The following CYP4F8 variants were observed in gnomAD, a reference collection of about 807,000 sequenced individuals.
The protein encoded by CYP4F8 is cytochrome P450 4F8.
A neutral mutation model predicts 55.0 loss-of-function variants in CYP4F8; 56 were observed. The observed-to-expected ratio is 1.02, with a 90% CI of 0.82 to 1.27. CYP4F8 has a LOEUF of 1.27. Ranked by LOEUF, CYP4F8 falls within the 50% of genes most tolerant of loss-of-function variation. The pLI is 0.00. For missense variants in CYP4F8, 680 were observed against 682.4 expected (o/e 1.00, Z 0.04); for synonymous variants, 288 against 267.3 (o/e 1.08, Z -0.76).
chr19:15,617,042 T>C (rs1720830579), intron 2 of CYP4F8, among the ~76,000 whole-genome samples: 1 of 152,154 alleles, frequency 6.6e-6, no homozygotes, highest in African/African-American at 2.4e-5. Flanking sequence ...TGTACAGACC[T>C]TCTCCATGGG....
chr19:15,629,405 A>C lies in CYP4F8; in HGVS notation c.*47A>C. ...CTACCTTTGCATCACCTACCTTTGC[A>C]CCAACTACCTTTTCAGATTTCCGGT... On this transcript the variant is annotated 3_prime_UTR_variant, in exon 13 of 13. Coordinates refer to ENST00000612078, the MANE Select transcript of CYP4F8 (RefSeq NM_007253.4). The C allele has an allele frequency of 2.6e-6, 4 of 1,531,470 alleles. No homozygotes were observed. Among genetic ancestry groups the C allele is most frequent in the Non-Finnish European group, 3.5e-6 (4 of 1,139,054 alleles). 94.9% of individuals were successfully genotyped at this position (1,531,470 alleles called of 1,614,324 possible).
Position 15,615,780 on chromosome 19 carries a change from G to T in CYP4F8, c.164G>T (p.Arg55Leu), listed in dbSNP as rs377226039. The change falls in exon 2 of 13, where the codon CGG becomes CTG. Residue 55 changes from arginine to leucine, a missense_variant. Transcript: ENST00000612078. ...CGCCTCCGGTGTTTCCCGCAGCCCCGGAAACAGAACTGGTTCTTGGGTCAC... is the reference window on the plus strand; with the variant it reads ...CGCCTCCGGTGTTTCCCGCAGCCCCTGAAACAGAACTGGTTCTTGGGTCAC... ...GRRLRCFPQP[R>L]KQNWFLGHLG... The T allele has an allele frequency of 6.2e-7, 1 of 1,613,656 alleles. No homozygotes were observed. Among genetic ancestry groups the T allele is most frequent in the African/African-American group, 1.3e-5 (1 of 75,016 alleles).
Position 15,623,357 on chromosome 19 carries a change from T to C in CYP4F8, c.900T>C (p.Asp300=). The change falls in exon 7 of 13, where the codon GAT becomes GAC. Residue 300 remains aspartate (D), a synonymous_variant. Transcript: ENST00000612078. ...AGTCCAAGACTTTGGACTTTATTGA[T>C]GTGCTCCTGCTGAGCGAGGTGGGCC... The part of the protein sequence containing the change: ...KAKSKTLDFI[D]VLLLSEDKNG... 6.2e-7 allele frequency: 1 copy of C among 1,613,964 alleles called. No homozygotes were observed. The highest frequency in any genetic ancestry group is 8.5e-7 in the Non-Finnish European group (1 of 1,179,908).
intron 12 of CYP4F8, 145 bp downstream of exon 12, chr19:15,628,988 C>T (rs1466700051): frequency 1.6e-6 from 2 of 1,238,870 alleles, no homozygotes; most frequent in Non-Finnish European, 2.2e-6. Flanking sequence ...CTCAGAGCCT[C>T]CTGCCCCGTC....
At chr19:15,625,919 A>T (rs1457134348) in intron 9 of CYP4F8, among the ~76,000 whole-genome samples, 1 of 152,158 alleles carries the variant, frequency 6.6e-6, no homozygotes, top group Non-Finnish European at 1.5e-5. Context: ...GATACATTTT[A>T]AAATTCTATA....
chr19:15,624,778 G>A (rs1271228345), intron 9 of CYP4F8, among the ~76,000 whole-genome samples: 1 of 152,120 alleles, frequency 6.6e-6, no homozygotes. Flanking sequence ...TTATTTTAAT[G>A]AACATAACTT....
intron 12 of CYP4F8, 23 bp from the exon 13 acceptor site, chr19:15,629,170 A>G (rs1397569681): frequency 1.9e-6 from 3 of 1,579,848 alleles, no homozygotes; most frequent in Middle Eastern, 2.1e-4. Context: ...GGGTGCAGTC[A>G]GACCTTCCAC....
intron 9 of CYP4F8, chr19:15,627,509 A>G (rs1972277846): frequency 6.6e-6 from 1 of 152,078 alleles, no homozygotes; most frequent in Admixed American, 6.5e-5. Flanking sequence ...CCCTTGATGA[A>G]CTTTAAAATT....
At chr19:15,618,200 A>G (rs759007874) in intron 3 of CYP4F8, 56 bp downstream of exon 3, 2 of 1,612,412 alleles carry the variant, frequency 1.2e-6, no homozygotes, top group Admixed American at 1.7e-5. Flanking sequence ...GGGCTTCTAG[A>G]TCTCATCCCC....
rs549472609 is a variant in CYP4F8, at chr19:15,619,652, A to G, written c.415A>G (p.Ser139Gly). 6.2e-7 allele frequency: 1 copy of G among 1,614,202 alleles called. No homozygotes were observed. The highest frequency in any genetic ancestry group is 2.2e-5 in the East Asian group (1 of 44,874). ...KPWLGDGLLLSVGDKWRHHRR... is the reference protein window; with the variant it reads ...KPWLGDGLLLGVGDKWRHHRR... ...CGTACTAGGGGATGGGCTCTTGTTA[A>G]GTGTTGGTGACAAGTGGAGACACCA... Residue 139 changes from serine to glycine, a missense_variant, in exon 5 of 13, where the codon AGT becomes GGT. Transcript: ENST00000612078.
intron 2 of CYP4F8, among the ~76,000 whole-genome samples, chr19:15,617,755 T>C (rs939916914): frequency 3.9e-5 from 6 of 152,182 alleles, no homozygotes; most frequent in African/African-American, 1.4e-4. Context: ...ATGTCTCAGC[T>C]GCAGAGGAGA....
Position 15,623,306 on chromosome 19 carries a change from T to C in CYP4F8, c.849T>C (p.Val283=). 3 of 1,613,940 alleles carry C rather than the reference T, an allele frequency of 1.9e-6. No homozygotes were observed. Among genetic ancestry groups the C allele is most frequent in the Non-Finnish European group, 2.5e-6 (3 of 1,179,982 alleles). ...GCCGCACCCTCACTAGCCAGGGTGTTGATGACTTCCTCCAAGCCAAGGCCA... is the reference window on the plus strand; with the variant it reads ...GCCGCACCCTCACTAGCCAGGGTGTCGATGACTTCCTCCAAGCCAAGGCCA... ...ERRRTLTSQG[V]DDFLQAKAKS... is the part of the protein sequence containing the mutation. The change falls in exon 7 of 13, where the codon GTT becomes GTC. Residue 283 remains valine (V), a synonymous_variant. Transcript: ENST00000612078.
chr19:15,620,865 AAG>A (rs1972184705), intron 5 of CYP4F8, among the ~76,000 whole-genome samples: 1 of 152,242 alleles, frequency 6.6e-6, no homozygotes, highest in South Asian at 2.1e-4. Context: ...AAATGGAGCC[AAG>A]CGTTTTGTGA....
intron 9 of CYP4F8, 74 bp from the exon 10 acceptor site, chr19:15,628,228 G>T: frequency 1.9e-6 from 3 of 1,599,148 alleles, no homozygotes; most frequent in Non-Finnish European, 2.6e-6. Context: ...GTCAGAGGGA[G>T]GTGGTGAGAG....
At chr19:15,628,620 TCC>T (rs1568385605) in intron 11 of CYP4F8, 25 bp downstream of exon 11, 1 of 1,611,274 alleles carries the variant, frequency 6.2e-7, no homozygotes, top group Non-Finnish European at 8.5e-7. Flanking sequence ...TGTTTCTCCA[TCC>T]CCCGGGCCTG....
At chr19:15,618,205 A>G in intron 3 of CYP4F8, 61 bp downstream of exon 3, 1 of 1,607,008 alleles carries the variant, frequency 6.2e-7, no homozygotes, top group Non-Finnish European at 8.5e-7. Flanking sequence ...TCTAGATCTC[A>G]TCCCCAAAGC....
rs755526175 is a variant in CYP4F8, at chr19:15,623,249, C to T, written c.792C>T (p.His264=). ...RRFHRACRLV[H]DFTDAVIQER... The stretch of plus-strand genomic sequence containing the variant: ...TCCACAGGGCCTGCAGACTGGTGCA[C>T]GACTTCACAGATGCCGTCATCCAGG... Residue 264 remains histidine, a synonymous_variant, in exon 7 of 13, where the codon CAC becomes CAT. Coordinates refer to ENST00000612078, the MANE Select transcript of CYP4F8 (RefSeq NM_007253.4). 6.8e-6 allele frequency: 11 copies of T among 1,614,090 alleles called. No individual in the cohort carries two copies. Among genetic ancestry groups the T allele is most frequent in the South Asian group, 1.1e-5 (1 of 91,086 alleles).
Position 15,628,387 on chromosome 19 carries a change from G to T in CYP4F8, c.1201G>T (p.Gly401Cys). 6.2e-7 allele frequency: 1 copy of T among 1,614,062 alleles called. No individual in the cohort carries two copies. Among genetic ancestry groups the T allele is most frequent in the Non-Finnish European group, 8.5e-7 (1 of 1,180,020 alleles). The stretch of plus-strand genomic sequence containing the variant: ...TCCCCCAATCCCTACATTCGCCCGC[G>T]GCTGCACCCAGGACGTGGTGCTCCC... ...LHPPIPTFAR[G>C]CTQDVVLPDS... The change falls in exon 10 of 13, where the codon GGC becomes TGC. Residue 401 changes from glycine to cysteine, a missense_variant. Coordinates refer to ENST00000612078, the MANE Select transcript of CYP4F8 (RefSeq NM_007253.4).
In CYP4F8 at chr19:15,628,426, A is replaced by T; in HGVS notation, c.1240A>T (p.Ile414Phe). 2 of 1,614,088 alleles carry T rather than the reference A, an allele frequency of 1.2e-6. No homozygotes were observed. Among genetic ancestry groups the T allele is most frequent in the Non-Finnish European group, 1.7e-6 (2 of 1,179,994 alleles). ...QDVVLPDSRV[I>F]PKGNVCNINI... The stretch of plus-strand genomic sequence containing the variant: ...CGTGGTGCTCCCAGACAGCCGAGTC[A>T]TCCCCAAAGGTGCCCTCCATGGCAG... The change falls in exon 10 of 13, where the codon ATC becomes TTC. Residue 414 changes from isoleucine (I) to phenylalanine (F), a missense_variant. Transcript: ENST00000612078.
Sources: allele counts gnomAD v4.1 joint callset (sites outside exome capture counted in the v4.1 genomes callset), GRCh38; gene constraint gnomAD v4.1.1; transcripts MANE v1.5; gene names NCBI Gene and HGNC (gene_info 2026-07-23, HGNC 2026-07-21).